The following GLI2 variants were observed in gnomAD, a reference collection of about 807,000 sequenced individuals.
GLI2 encodes the protein transcription activator GLI2.
In GLI2, 22 loss-of-function variants were observed where a neutral mutation model predicts 78.9. The observed-to-expected ratio is 0.28, with a 90% confidence interval of 0.20 to 0.40. The LOEUF (loss-of-function observed/expected upper bound fraction) is 0.40, where lower values mean the gene tolerates loss of function less well. Ranked by LOEUF, GLI2 falls within the 10% of genes least tolerant of loss-of-function variation. The pLI, the probability that GLI2 is intolerant of heterozygous loss-of-function variation, is 1.00. For missense variants in GLI2, 2,097 were observed against 2,213.2 expected (o/e 0.95, Z 1.05); for synonymous variants, 974 against 963.7 (o/e 1.01, Z -0.20).
chr2:120,959,898 G>A (rs1464445682), intron 5 of GLI2, among the ~76,000 whole-genome samples: 2 of 152,236 alleles, frequency 1.3e-5, no homozygotes, highest in Non-Finnish European at 2.9e-5. Context: ...CCTGTGGAAG[G>A]GGCCTGGCTC....
chr2:120,953,815 C>T (rs1356011295), intron 4 of GLI2, among the ~76,000 whole-genome samples: 3 of 152,100 alleles, frequency 2.0e-5, no homozygotes, highest in Non-Finnish European at 4.4e-5. Context: ...CGCACCACTG[C>T]ACTTCAGCCT....
chr2:120,770,407 C>T (rs1227554955), intron 1 of GLI2, among the ~76,000 whole-genome samples: 1 of 152,170 alleles, frequency 6.6e-6, no homozygotes, highest in Non-Finnish European at 1.5e-5. Flanking sequence ...CCAGTTGGAC[C>T]AGGAGTGCAC....
intron 1 of GLI2, among the ~76,000 whole-genome samples, chr2:120,742,105 G>C (rs910287823): frequency 6.6e-6 from 1 of 152,256 alleles, no homozygotes; most frequent in Non-Finnish European, 1.5e-5. Flanking sequence ...GCCGGGAAGA[G>C]AGAGGCCCCG....
intron 2 of GLI2, among the ~76,000 whole-genome samples, chr2:120,910,726 G>A (rs542753167): frequency 2.1e-4 from 32 of 152,328 alleles, no homozygotes; most frequent in Middle Eastern, 3.4e-3. Flanking sequence ...TGATACATGG[G>A]GGTTATTAGC....
At chr2:120,951,130 T>G in intron 3 of GLI2, 113 bp from the exon 4 acceptor site, 1 of 757,274 alleles carries the variant, frequency 1.3e-6, no homozygotes, top group Non-Finnish European at 2.5e-6. Flanking sequence ...TAAGTGCAGG[T>G]TGTTCTGGAA....
intron 2 of GLI2, among the ~76,000 whole-genome samples, chr2:120,886,948 G>A (rs985529848): frequency 3.9e-5 from 6 of 152,196 alleles, no homozygotes; most frequent in Admixed American, 2.6e-4. Context: ...AGGGCTGGAC[G>A]GAGAGATCCA....
chr2:120,975,067 A>G lies in GLI2; in HGVS notation c.1275A>G (p.Glu425=). ...VVIYETNCHW[E]DCTKEYDTQE... is the part of the protein sequence containing the mutation. The stretch of plus-strand genomic sequence containing the variant: ...TCTATGAGACCAACTGCCACTGGGA[A>G]GACTGCACCAAGGAGTACGACACCC... The change falls in exon 9 of 14, where the codon GAA becomes GAG. Residue 425 remains glutamate (E), a synonymous_variant. Coordinates refer to ENST00000361492, the MANE Select transcript of GLI2 (RefSeq NM_001374353.1). 1 of 1,614,092 alleles carries G rather than the reference A, an allele frequency of 6.2e-7. No individual in the cohort carries two copies. Among genetic ancestry groups the G allele is most frequent in the East Asian group, 2.2e-5 (1 of 44,882 alleles).
chr2:120,777,590 G>A (rs1411349848), intron 1 of GLI2, among the ~76,000 whole-genome samples: 1 of 151,804 alleles, frequency 6.6e-6, no homozygotes, highest in Non-Finnish European at 1.5e-5. Flanking sequence ...CATTGCCTCT[G>A]GGGGGCTACT....
intron 3 of GLI2, among the ~76,000 whole-genome samples, chr2:120,940,336 G>A (rs930878150): frequency 1.3e-5 from 2 of 152,060 alleles, no homozygotes; most frequent in African/African-American, 4.8e-5. Context: ...CTCCCACCCA[G>A]ATGTCTGGTC....
At chr2:120,987,050 C>A (rs1683014087) in intron 13 of GLI2, among the ~76,000 whole-genome samples, 1 of 152,220 alleles carries the variant, frequency 6.6e-6, no homozygotes, top group East Asian at 1.9e-4. Context: ...CCAGGTACCA[C>A]CAAAGCCAGA....
chr2:120,839,488 A>G (rs1251119630), intron 2 of GLI2, among the ~76,000 whole-genome samples: 1 of 152,132 alleles, frequency 6.6e-6, no homozygotes, highest in African/African-American at 2.4e-5. Context: ...GTTTATAACT[A>G]TATCCCCTTT....
intron 2 of GLI2, among the ~76,000 whole-genome samples, chr2:120,803,894 G>A (rs566960984): frequency 2.6e-5 from 4 of 152,202 alleles, no homozygotes; most frequent in African/African-American, 7.2e-5. Flanking sequence ...GAGTCTCAGG[G>A]GGGGAGACTA....
intron 2 of GLI2, among the ~76,000 whole-genome samples, chr2:120,813,607 C>T (rs1049138667): frequency 2.0e-5 from 3 of 152,212 alleles, no homozygotes; most frequent in Admixed American, 2.0e-4. Context: ...ATTCTCCTGA[C>T]AATGTTCTTG....
chr2:120,745,694 A>G (rs1682674462), intron 1 of GLI2, among the ~76,000 whole-genome samples: 1 of 152,118 alleles, frequency 6.6e-6, no homozygotes, highest in Non-Finnish European at 1.5e-5. Context: ...TGCTAATGTT[A>G]CAAGTGCACC....
chr2:120,823,037 G>A (rs1685856233), intron 2 of GLI2, among the ~76,000 whole-genome samples: 1 of 149,762 alleles, frequency 6.7e-6, no homozygotes, highest in African/African-American at 2.5e-5. Flanking sequence ...TGTGAGAGGT[G>A]GATGAAGGAC....
intron 1 of GLI2, among the ~76,000 whole-genome samples, chr2:120,778,704 C>T (rs576550928): frequency 3.3e-5 from 5 of 152,336 alleles, no homozygotes; most frequent in South Asian, 2.1e-4. Context: ...CAGAGACCTT[C>T]CACATGGCCA....
At position 120,893,069 on chromosome 2, in the gene GLI2, C is replaced by T. The variant is rs1019770487; in HGVS notation, c.149-34292C>T. Among the ~76,000 whole-genome samples the T allele has an allele frequency of 4.6e-5, 7 of 152,214 alleles. No individual in the cohort carries two copies. In the East Asian group the frequency reaches 5.8e-4, roughly 13 times the overall value. ...TGCCTGGCAGAGCTCCTGCCCCCAGCGTGCATAGTTATGAGTTATTTGACT... is the reference window on the plus strand; with the variant it reads ...TGCCTGGCAGAGCTCCTGCCCCCAGTGTGCATAGTTATGAGTTATTTGACT... On this transcript the variant is annotated intron_variant, in intron 2 of 13. Coordinates refer to ENST00000361492, the MANE Select transcript of GLI2 (RefSeq NM_001374353.1).
intron 2 of GLI2, among the ~76,000 whole-genome samples, chr2:120,815,855 G>T (rs996552244): frequency 6.6e-6 from 1 of 152,180 alleles, no homozygotes; most frequent in Non-Finnish European, 1.5e-5. Context: ...TGGCATTGGC[G>T]ATCTGAGGGG....
At chr2:120,796,651 C>A (rs764331135) in intron 1 of GLI2, among the ~76,000 whole-genome samples, 2 of 152,240 alleles carry the variant, frequency 1.3e-5, no homozygotes, top group Non-Finnish European at 2.9e-5. Context: ...AGCCACCTCC[C>A]ACTCACTGAG....
Sources: gnomAD v4.1 joint callset for allele counts (sites outside exome capture counted in the v4.1 genomes callset) on GRCh38, gnomAD v4.1.1 for gene constraint, MANE v1.5 for transcripts, NCBI Gene and HGNC (gene_info 2026-07-23, HGNC 2026-07-21) for gene names.